Variants in HDAC9 observed in about 807,000 individuals in gnomAD.
HDAC9 encodes histone deacetylase 9, also known as MEF-2 interacting transcription repressor (MITR) protein.
In HDAC9, 41 loss-of-function variants were observed where a neutral mutation model predicts 139.4. The ratio of observed to expected loss-of-function variants is 0.29; its 90% CI spans 0.23 to 0.38. The LOEUF (loss-of-function observed/expected upper bound fraction) is 0.38. Ranked by LOEUF, HDAC9 falls within the 10% of genes least tolerant of loss-of-function variation. The pLI, the probability that HDAC9 is intolerant of heterozygous loss-of-function variation, is 1.00. For missense variants in HDAC9, 1,147 were observed against 1,297.0 expected (o/e 0.88, Z 1.78); for synonymous variants, 517 against 476.2 (o/e 1.09, Z -1.12).
intron 14 of HDAC9, among the ~76,000 whole-genome samples, chr7:18,754,909 G>T (rs781071427): frequency 9.9e-5 from 15 of 152,088 alleles, no homozygotes; most frequent in Non-Finnish European, 1.9e-4. Flanking sequence ...GAATGTGCAG[G>T]TTTTCTGATA....
At chr7:18,834,793 A>C (rs1796115030) in intron 19 of HDAC9, among the ~76,000 whole-genome samples, 1 of 152,180 alleles carries the variant, frequency 6.6e-6, no homozygotes, top group Admixed American at 6.5e-5. Context: ...TTTTGAAGTG[A>C]TTCTAACTGC....
chr7:18,857,545 T>C (rs1232839771), intron 21 of HDAC9, among the ~76,000 whole-genome samples: 2 of 152,086 alleles, frequency 1.3e-5, no homozygotes, highest in African/African-American at 4.8e-5. Flanking sequence ...AGCTGTAGTT[T>C]CTAGAGTAAT....
intron 1 of HDAC9, among the ~76,000 whole-genome samples, chr7:18,155,631 CTCCTAAAAG>C (rs1435932666): frequency 3.3e-5 from 5 of 152,166 alleles, no homozygotes; most frequent in African/African-American, 1.2e-4. Flanking sequence ...TTAAATGGTT[CTCCTAAAAG>C]TCTTAGAATG....
intron 1 of HDAC9, among the ~76,000 whole-genome samples, chr7:18,096,140 T>C (rs1306967790): frequency 6.6e-6 from 1 of 152,216 alleles, no homozygotes; most frequent in African/African-American, 2.4e-5. Context: ...CTGTAAGCTG[T>C]ATTCCAAGAT....
chr7:18,149,384 C>G (rs1220664681), intron 1 of HDAC9, among the ~76,000 whole-genome samples: 2 of 142,842 alleles, frequency 1.4e-5, no homozygotes, highest in Middle Eastern at 3.6e-3. Flanking sequence ...GAGTCAGGGT[C>G]TCACCGTGTC....
chr7:18,756,177 A>T (rs1340127675), intron 14 of HDAC9, among the ~76,000 whole-genome samples: 1 of 152,140 alleles, frequency 6.6e-6, no homozygotes, highest in African/African-American at 2.4e-5. Flanking sequence ...AATGTTAAGA[A>T]CTACTGAAAC....
At chr7:18,370,166 A>G (rs1341410114) in intron 1 of HDAC9, among the ~76,000 whole-genome samples, 6 of 152,138 alleles carry the variant, frequency 3.9e-5, no homozygotes, top group African/African-American at 1.2e-4. Flanking sequence ...CATGTATTCT[A>G]TAGGTTATTC....
intron 12 of HDAC9, among the ~76,000 whole-genome samples, chr7:18,690,083 G>C (rs1290009033): frequency 1.3e-5 from 2 of 151,964 alleles, no homozygotes; most frequent in African/African-American, 4.8e-5. Flanking sequence ...AAAGTTTGTT[G>C]AGCAGTCCCA....
chr7:18,804,006 G>A (rs752899704), intron 17 of HDAC9, among the ~76,000 whole-genome samples: 98 of 152,156 alleles, frequency 6.4e-4, no homozygotes, highest in Non-Finnish European at 1.1e-3. Context: ...CTGCTGAAGA[G>A]CAATGATAAA....
intron 2 of HDAC9, among the ~76,000 whole-genome samples, chr7:18,238,965 C>G (rs1794007945): frequency 6.6e-6 from 1 of 152,120 alleles, no homozygotes; most frequent in Non-Finnish European, 1.5e-5. Flanking sequence ...GTAATGTTTA[C>G]AAGTTGTTTT....
At chr7:18,439,718 A>G (rs1791566416) in intron 1 of HDAC9, among the ~76,000 whole-genome samples, 2 of 152,244 alleles carry the variant, frequency 1.3e-5, no homozygotes, top group African/African-American at 4.8e-5. Flanking sequence ...ATCAGAATGT[A>G]TAATATGTAG....
intron 2 of HDAC9, among the ~76,000 whole-genome samples, chr7:18,260,765 T>C (rs951119118): frequency 1.3e-5 from 2 of 152,200 alleles, no homozygotes; most frequent in Non-Finnish European, 2.9e-5. Context: ...AACTAGGAGA[T>C]AATGAATGTC....
chr7:18,537,437 C>T (rs1437800894), intron 2 of HDAC9, among the ~76,000 whole-genome samples: 2 of 151,786 alleles, frequency 1.3e-5, no homozygotes, highest in Non-Finnish European at 1.5e-5. Context: ...TCCAATGCTA[C>T]AATAAAATCA....
chr7:18,158,436 T>A (rs542339718), intron 1 of HDAC9, among the ~76,000 whole-genome samples: 2 of 152,202 alleles, frequency 1.3e-5, no homozygotes, highest in South Asian at 4.1e-4. Flanking sequence ...TTGTAATGAG[T>A]AGATAGGCAA....
At chr7:18,904,595 T>A (rs1802031371) in intron 22 of HDAC9, among the ~76,000 whole-genome samples, 1 of 146,426 alleles carries the variant, frequency 6.8e-6, no homozygotes, top group South Asian at 2.3e-4. Context: ...TTTTTTTTTT[T>A]TTTAGATGGA....
chr7:18,989,504 A>T (rs1585499885), intron 25 of HDAC9, among the ~76,000 whole-genome samples: 2 of 148,766 alleles, frequency 1.3e-5, no homozygotes, highest in Admixed American at 6.7e-5. Context: ...CTTCATTTCA[A>T]CTTTGGTGAA....
At chr7:18,614,126 A>G (rs1463477643) in intron 6 of HDAC9, among the ~76,000 whole-genome samples, 1 of 152,100 alleles carries the variant, frequency 6.6e-6, no homozygotes, top group Non-Finnish European at 1.5e-5. Flanking sequence ...CATCTATAAA[A>G]TGAATAGGTT....
intron 12 of HDAC9, among the ~76,000 whole-genome samples, chr7:18,669,907 C>G (rs1303105909): frequency 6.6e-6 from 1 of 151,744 alleles, no homozygotes; most frequent in Non-Finnish European, 1.5e-5. Context: ...TGCTACTTTT[C>G]ATAGATCTGA....
chr7:18,438,736 G>A (rs1304663043), intron 1 of HDAC9, among the ~76,000 whole-genome samples: 1 of 151,570 alleles, frequency 6.6e-6, no homozygotes, highest in East Asian at 1.9e-4. Flanking sequence ...TCAGAAAAAG[G>A]GATCTGGAAA....
Sources: gnomAD v4.1 joint callset for allele counts (sites outside exome capture counted in the v4.1 genomes callset) on GRCh38, gnomAD v4.1.1 for gene constraint, MANE v1.5 for transcripts, NCBI Gene and HGNC (gene_info 2026-07-23, HGNC 2026-07-21) for gene names.